ZNF83: variants seen among roughly 807,000 people sequenced by gnomAD.
ZNF83 encodes the protein zinc finger protein 83, also known as zinc finger protein 816B.
For missense variants in ZNF83, 552 were observed against 629.9 expected, an observed-to-expected ratio of 0.88 and a Z score of 1.32; for synonymous variants, 209 against 213.0, an observed-to-expected ratio of 0.98 and a Z score of 0.17.
chr19:52,689,849 T>A lies in ZNF83; in HGVS notation c.-283+594A>T, dbSNP rs2062115893. 3.9e-5 allele frequency among the ~76,000 whole-genome samples: 6 copies of A among 152,318 alleles called. No homozygotes were observed. In the South Asian group the frequency reaches 1.2e-3, roughly 32 times the overall value. ...GAGCTTATTTTCCAGGGGCTGGAACTGGGCAGGCAAGAACACCCCGTGTCA... is the reference window on the plus strand; with the variant it reads ...GAGCTTATTTTCCAGGGGCTGGAACAGGGCAGGCAAGAACACCCCGTGTCA... On this transcript the variant is annotated intron_variant, in intron 1 of 5. Transcript: ENST00000594682.
chr19:52,667,778 T>C (rs1010343364), intron 1 of ZNF83, among the ~76,000 whole-genome samples: 1 of 152,158 alleles, frequency 6.6e-6, no homozygotes, highest in Admixed American at 6.6e-5. Flanking sequence ...AAAGAGTCTA[T>C]AAAAATCTTA....
chr19:52,614,744 T>TATTACTCTC lies in ZNF83; in HGVS notation c.-189_-181dup. 7.7e-6 allele frequency: 10 copies of TATTACTCTC among 1,304,998 alleles called. No individual in the cohort carries two copies. Among genetic ancestry groups the TATTACTCTC allele is most frequent in the Non-Finnish European group, 9.8e-6 (10 of 1,019,920 alleles). 80.8% of individuals were successfully genotyped at this position (1,304,998 alleles called of 1,614,324 possible). ...ATTACTGTCTGGAATATTTCTCCTG[T>TATTACTCTC]ATTACTCTCCTTTTTTGGTGGTAAT... On this transcript the variant is annotated 5_prime_UTR_variant, in exon 3 of 3. In the 5' UTR this introduces an upstream ATG that the reference lacks. Coordinates refer to ENST00000301096, the Ensembl canonical transcript of ZNF83.
exon 1 of ZNF83, chr19:52,638,335 A>C (rs776016696): frequency 7.7e-6 from 1 of 130,412 alleles, no homozygotes. Flanking sequence ...CTTTCACTCC[A>C]CATAATCCGC....
chr19:52,631,569 C>CAT (rs2060961748), intron 2 of ZNF83, among the ~76,000 whole-genome samples: 1 of 141,540 alleles, frequency 7.1e-6, no homozygotes, highest in Non-Finnish European at 1.6e-5. Flanking sequence ...CCTTCAGCTG[C>CAT]ACTCACTCTT....
chr19:52,690,003 G>A (rs1233480854), intron 1 of ZNF83, among the ~76,000 whole-genome samples: 2 of 152,168 alleles, frequency 1.3e-5, no homozygotes, highest in Admixed American at 1.3e-4. Flanking sequence ...GAGGACAAGG[G>A]TGGGGTCTGC....
chr19:52,685,613 G>A (rs953345116), intron 1 of ZNF83, among the ~76,000 whole-genome samples: 6 of 152,026 alleles, frequency 3.9e-5, no homozygotes, highest in Admixed American at 6.6e-5. Context: ...GAATATATGG[G>A]TGGTCAGGCA....
At chr19:52,612,706 G>A in exon 3 of ZNF83, 1 of 329,360 alleles carries the variant, frequency 3.0e-6, no homozygotes, top group South Asian at 7.6e-5. Flanking sequence ...TTTCTCTCAA[G>A]CATGAATTTT....
At chr19:52,630,230 T>C (rs1286639949) in intron 2 of ZNF83, among the ~76,000 whole-genome samples, 2 of 152,322 alleles carry the variant, frequency 1.3e-5, no homozygotes, top group East Asian at 3.9e-4. Context: ...CAGATCTTCT[T>C]GGCTTAGTGG....
intron 2 of ZNF83, among the ~76,000 whole-genome samples, chr19:52,634,787 A>G (rs375838942): frequency 2.6e-5 from 4 of 152,162 alleles, no homozygotes; most frequent in East Asian, 3.9e-4. Context: ...GCTGCCCAAC[A>G]GCACTGACAC....
At chr19:52,685,223 GC>G (rs1350435153) in intron 1 of ZNF83, among the ~76,000 whole-genome samples, 1 of 152,124 alleles carries the variant, frequency 6.6e-6, no homozygotes, top group African/African-American at 2.4e-5. Flanking sequence ...TTCTGGTCTA[GC>G]CCCTCATCTC....
rs544805899 is a variant in ZNF83, at chr19:52,665,284, T to G, written c.-282-4441A>C. Among the ~76,000 whole-genome samples, 186 of 152,006 alleles carry G rather than the reference T, an allele frequency of 1.2e-3. 1 individual carries two copies. Among genetic ancestry groups the G allele is most frequent in the Non-Finnish European group, 2.1e-3 (140 of 67,950 alleles). On this transcript the variant is annotated intron_variant, in intron 1 of 5. Transcript: ENST00000594682. ...CACAGCAGGGATGTGGGTGGGGTGG[T>G]GGGAGCCAGGAGTCCCAGCTACTCA...
intron 1 of ZNF83, among the ~76,000 whole-genome samples, chr19:52,672,011 T>C (rs2061733281): frequency 6.6e-6 from 1 of 152,128 alleles, no homozygotes; most frequent in Non-Finnish European, 1.5e-5. Context: ...GGCAGGTGGA[T>C]GACCCAGAGG....
At chr19:52,620,073 C>T (rs531602244) in intron 2 of ZNF83, among the ~76,000 whole-genome samples, 2 of 152,142 alleles carry the variant, frequency 1.3e-5, no homozygotes, top group East Asian at 3.9e-4. Flanking sequence ...CAAAATTACT[C>T]AAAGTACAAA....
At chr19:52,643,383 C>T (rs1418743186), upstream of ZNF83, among the ~76,000 whole-genome samples, 1 of 146,552 alleles carries the variant, frequency 6.8e-6, no homozygotes, top group African/African-American at 2.5e-5. Context: ...AAGGCATTAA[C>T]GATGTGAGTG....
rs59805499 is a variant in ZNF83 at position 52,646,624 on chromosome 19, C to T, written c.-74+8937G>A. ...ATTAAAGAAGAAAGCAAATTTTCCTCTGCTGAGCTCACTCACTCCAAGGAT... is the reference window on the plus strand; with the variant it reads ...ATTAAAGAAGAAAGCAAATTTTCCTTTGCTGAGCTCACTCACTCCAAGGAT... On this transcript the variant is annotated intron_variant, in intron 3 of 5. Coordinates refer to the ZNF83 transcript ENST00000594682. Among the ~76,000 whole-genome samples the T allele has an allele frequency of 3.6e-3, 552 of 152,284 alleles. 1 individual carries two copies. Among genetic ancestry groups the T allele is most frequent in the African/African-American group, 0.013 (532 of 41,558 alleles).
At chr19:52,684,478 G>C (rs562596546) in intron 1 of ZNF83, among the ~76,000 whole-genome samples, 3 of 149,722 alleles carry the variant, frequency 2.0e-5, no homozygotes, top group East Asian at 3.9e-4. Flanking sequence ...GAAGCTAGGA[G>C]ACAGAGATTG....
chr19:52,665,671 C>A (rs920449310), intron 1 of ZNF83, among the ~76,000 whole-genome samples: 3 of 152,136 alleles, frequency 2.0e-5, no homozygotes, highest in African/African-American at 7.2e-5. Flanking sequence ...ATTTTTCCCA[C>A]CAAACCACTC....
intron 3 of ZNF83, chr19:52,655,523 G>C: frequency 6.9e-7 from 1 of 1,442,238 alleles, no homozygotes. Context: ...AGATAGACAA[G>C]GGCAGATTCC....
intron 2 of ZNF83, among the ~76,000 whole-genome samples, chr19:52,615,044 C>T (rs2060255967): frequency 6.6e-6 from 1 of 151,886 alleles, no homozygotes; most frequent in Non-Finnish European, 1.5e-5. Flanking sequence ...ATGGCCAAAC[C>T]ACTTACATTG....
Sources: gnomAD v4.1 joint callset for allele counts (sites outside exome capture counted in the v4.1 genomes callset) on GRCh38, gnomAD v4.1.1 for gene constraint, MANE v1.5 for transcripts, NCBI Gene and HGNC (gene_info 2026-07-23, HGNC 2026-07-21) for gene names.